The following ASIC2 variants were observed in gnomAD, a reference collection of about 807,000 sequenced individuals.
The protein encoded by ASIC2 is acid sensing ion channel subunit 2, also known as acid-sensing ion channel 2.
A neutral mutation model predicts 57.3 loss-of-function variants in ASIC2; 25 were observed. That is an observed-to-expected ratio of 0.44 (90% CI 0.32 to 0.61). The LOEUF is 0.61. Ranked by LOEUF, ASIC2 falls within the 20% of genes least tolerant of loss-of-function variation. The probability of loss-of-function intolerance (pLI) is 0.06; values close to 1 mark genes in which losing one functional copy is unlikely to be tolerated. For synonymous variants in ASIC2, 319 were observed against 307.5 expected (o/e 1.04, Z -0.39); for missense variants, 641 against 738.1 (o/e 0.87, Z 1.52).
chr17:33,409,470 C>A (rs1388128156), intron 1 of ASIC2, among the ~76,000 whole-genome samples: 1 of 152,196 alleles, frequency 6.6e-6, no homozygotes, highest in Non-Finnish European at 1.5e-5. Context: ...ATAACCCTAA[C>A]ACTAATGTTA....
At chr17:33,608,544 G>T (rs2142014013) in intron 1 of ASIC2, among the ~76,000 whole-genome samples, 1 of 151,258 alleles carries the variant, frequency 6.6e-6, no homozygotes, top group East Asian at 1.9e-4. Context: ...TGGTGGGGTG[G>T]AATTGCCTTC....
chr17:33,462,573 G>A (rs987500843), intron 1 of ASIC2, among the ~76,000 whole-genome samples: 4 of 152,192 alleles, frequency 2.6e-5, no homozygotes, highest in East Asian at 1.9e-4. Context: ...TGCAGCTGCC[G>A]TATGTGGGTG....
At chr17:33,633,838 C>T (rs1251390241) in intron 1 of ASIC2, among the ~76,000 whole-genome samples, 4 of 152,212 alleles carry the variant, frequency 2.6e-5, no homozygotes, top group Admixed American at 6.5e-5. Flanking sequence ...GCATGTTTTA[C>T]TGCCACCTGG....
At chr17:33,080,261 T>A (rs763199712) in intron 3 of ASIC2, among the ~76,000 whole-genome samples, 2 of 151,950 alleles carry the variant, frequency 1.3e-5, no homozygotes, top group Non-Finnish European at 2.9e-5. Flanking sequence ...AGGGAGGGTG[T>A]GGTCCACAGT....
intron 1 of ASIC2, among the ~76,000 whole-genome samples, chr17:33,400,668 G>T (rs1179597619): frequency 6.6e-6 from 1 of 152,160 alleles, no homozygotes; most frequent in African/African-American, 2.4e-5. Context: ...CTTAAAAAAA[G>T]ATCATTTATT....
At chr17:33,330,706 C>T (rs1907278730) in intron 1 of ASIC2, among the ~76,000 whole-genome samples, 1 of 152,034 alleles carries the variant, frequency 6.6e-6, no homozygotes, top group Non-Finnish European at 1.5e-5. Flanking sequence ...TGCTTCTAGT[C>T]CTCTTTCCCT....
chr17:33,901,567 G>A (rs1313446694), intron 1 of ASIC2, among the ~76,000 whole-genome samples: 1 of 152,158 alleles, frequency 6.6e-6, no homozygotes, highest in Non-Finnish European at 1.5e-5. Context: ...ATAAGACACA[G>A]TTCCTGCAAA....
chr17:34,093,951 G>A (rs1205412621), intron 1 of ASIC2, among the ~76,000 whole-genome samples: 2 of 152,162 alleles, frequency 1.3e-5, no homozygotes. Context: ...CCTGTAGAAG[G>A]CAGCAGTCCC....
At chr17:33,290,330 T>G (rs115358754) in intron 1 of ASIC2, among the ~76,000 whole-genome samples, 1,866 of 152,266 alleles carry the variant, frequency 0.012, 39 homozygotes, top group African/African-American at 0.042. Context: ...TCAGATCTGG[T>G]AAAATCACCA....
intron 1 of ASIC2, among the ~76,000 whole-genome samples, chr17:33,648,045 G>T (rs1311748329): frequency 1.3e-5 from 2 of 152,316 alleles, no homozygotes; most frequent in Admixed American, 6.5e-5. Flanking sequence ...TCCCCATCAT[G>T]AATCACAAGA....
At chr17:33,709,017 T>C (rs1207843823) in intron 1 of ASIC2, among the ~76,000 whole-genome samples, 2 of 152,206 alleles carry the variant, frequency 1.3e-5, no homozygotes, top group Non-Finnish European at 2.9e-5. Flanking sequence ...TCAAGATATA[T>C]CCTGCCATCA....
intron 1 of ASIC2, among the ~76,000 whole-genome samples, chr17:33,419,544 C>T (rs1430049304): frequency 6.6e-6 from 1 of 152,132 alleles, no homozygotes; most frequent in African/African-American, 2.4e-5. Context: ...TGGATGGATA[C>T]CAGCATTTCA....
rs1419698839 is a variant in ASIC2, at chr17:33,932,742, ATAT to A, written c.555+223233_555+223235del. The A allele has an allele frequency of 1.2e-3, 85 of 72,016 alleles. 1 individual carries two copies. The highest frequency in any genetic ancestry group is 2.3e-3 in the East Asian group (5 of 2,184). The allele number at this position is 72,016 out of a possible 1,614,324, so 4.5% of individuals were successfully genotyped here. A position where few individuals can be genotyped will look rare whatever the true frequency, so the allele number is the denominator to read the frequency against. On this transcript the variant is annotated intron_variant, in intron 1 of 9. Coordinates refer to the ASIC2 transcript ENST00000359872. The stretch of plus-strand genomic sequence containing the variant: ...AAAAAAAAAAAAAAAAAAAAAAAAA[ATAT>A]ATATATATATATATATAGTATGATA...
chr17:34,098,404 A>T (rs1219759456), intron 1 of ASIC2, among the ~76,000 whole-genome samples: 1 of 152,218 alleles, frequency 6.6e-6, no homozygotes, highest in East Asian at 1.9e-4. Context: ...AAAATATGGG[A>T]AAGTGCACAT....
intron 1 of ASIC2, among the ~76,000 whole-genome samples, chr17:33,675,675 C>T (rs1006403972): frequency 2.6e-5 from 4 of 152,152 alleles, no homozygotes; most frequent in African/African-American, 9.7e-5. Context: ...AGGCTCAAGC[C>T]ATCCTCCCAC....
At chr17:33,663,312 G>T (rs1425323243) in intron 1 of ASIC2, among the ~76,000 whole-genome samples, 1 of 152,104 alleles carries the variant, frequency 6.6e-6, no homozygotes, top group African/African-American at 2.4e-5. Context: ...CTCCCTCTAA[G>T]ATCATAAATA....
At chr17:34,008,987 T>C (rs2142019916) in intron 1 of ASIC2, among the ~76,000 whole-genome samples, 1 of 152,356 alleles carries the variant, frequency 6.6e-6, no homozygotes, top group Admixed American at 6.5e-5. Flanking sequence ...AGACTTTTGA[T>C]TCCTAAATGA....
chr17:33,768,524 G>A (rs369661694), intron 1 of ASIC2, among the ~76,000 whole-genome samples: 8 of 152,214 alleles, frequency 5.3e-5, no homozygotes, highest in East Asian at 3.9e-4. Flanking sequence ...TTTTCTATCC[G>A]TTGGAAATTC....
intron 1 of ASIC2, among the ~76,000 whole-genome samples, chr17:33,661,549 C>A (rs541511915): frequency 6.6e-6 from 1 of 152,310 alleles, no homozygotes; most frequent in South Asian, 2.1e-4. Context: ...CTCGGTTTCC[C>A]TATCTTATTC....
Sources: gnomAD v4.1 joint callset for allele counts (sites outside exome capture counted in the v4.1 genomes callset) on GRCh38, gnomAD v4.1.1 for gene constraint, MANE v1.5 for transcripts, NCBI Gene and HGNC (gene_info 2026-07-23, HGNC 2026-07-21) for gene names.